DPF3: variants seen among roughly 807,000 people sequenced by gnomAD.
DPF3 encodes double PHD fingers 3.
DPF3 carries 18 observed loss-of-function variants against 56.8 expected under a neutral mutation model. The ratio of observed to expected loss-of-function variants is 0.32; its 90% CI spans 0.22 to 0.47. The LOEUF (loss-of-function observed/expected upper bound fraction) is 0.47, where lower values mean the gene tolerates loss of function less well. Among genes scored for constraint, DPF3 ranks in the 20% least tolerant of loss-of-function variants. The pLI, the probability that DPF3 is intolerant of heterozygous loss-of-function variation, is 1.00. For missense variants in DPF3, 403 were observed against 488.8 expected, an observed-to-expected ratio of 0.82 and a Z score of 1.65; for synonymous variants, 188 against 180.2, an observed-to-expected ratio of 1.04 and a Z score of -0.35.
intron 1 of DPF3, among the ~76,000 whole-genome samples, chr14:72,783,493 G>A (rs1306175425): frequency 1.3e-5 from 2 of 152,176 alleles, no homozygotes; most frequent in African/African-American, 2.4e-5. Flanking sequence ...GAGACCCCCA[G>A]CACAGGGAAT....
At position 72,725,004 on chromosome 14, in the gene DPF3, A is replaced by G. The variant is rs61994459; in HGVS notation, c.430-1276T>C. 5.4e-3 allele frequency among the ~76,000 whole-genome samples: 820 copies of G among 152,210 alleles called. 3 individuals carry two copies. The highest frequency in any genetic ancestry group is 8.8e-3 in the Admixed American group (134 of 15,302). On this transcript the variant is annotated intron_variant, in intron 4 of 10. Transcript: ENST00000556509. ...TACAGGCATACCATGCAGATGAGCTACCACACCTGGCCACCTGGGGGTTTC... is the reference window on the plus strand; with the variant it reads ...TACAGGCATACCATGCAGATGAGCTGCCACACCTGGCCACCTGGGGGTTTC...
intron 1 of DPF3, among the ~76,000 whole-genome samples, chr14:72,859,295 A>G (rs1197419076): frequency 6.6e-6 from 1 of 152,092 alleles, no homozygotes; most frequent in Admixed American, 6.5e-5. Flanking sequence ...AATTTTCCAT[A>G]CTATACAGTA....
intron 1 of DPF3, among the ~76,000 whole-genome samples, chr14:72,780,348 C>A (rs1488643399): frequency 6.6e-6 from 1 of 152,188 alleles, no homozygotes; most frequent in Non-Finnish European, 1.5e-5. Flanking sequence ...TGGTCTTTGC[C>A]ACCTTCCTTA....
intron 3 of DPF3, among the ~76,000 whole-genome samples, chr14:72,751,871 A>G (rs1178175283): frequency 6.6e-6 from 1 of 152,194 alleles, no homozygotes; most frequent in Non-Finnish European, 1.5e-5. Context: ...ACAACCTGCA[A>G]CAAGGCAGGG....
At chr14:72,780,211 G>T (rs1891915961) in intron 1 of DPF3, among the ~76,000 whole-genome samples, 1 of 152,168 alleles carries the variant, frequency 6.6e-6, no homozygotes, top group Non-Finnish European at 1.5e-5. Context: ...TGTCCTGGCT[G>T]ATCTTAGCCT....
At chr14:72,701,036 A>G (rs1209209263) in intron 6 of DPF3, among the ~76,000 whole-genome samples, 5 of 152,234 alleles carry the variant, frequency 3.3e-5, no homozygotes, top group Admixed American at 2.6e-4. Flanking sequence ...TACTGGAACC[A>G]TCTGCTCTCC....
At chr14:72,772,911 G>A (rs1279981073) in intron 1 of DPF3, among the ~76,000 whole-genome samples, 1 of 152,174 alleles carries the variant, frequency 6.6e-6, no homozygotes, top group Non-Finnish European at 1.5e-5. Flanking sequence ...AAGGAGTGGA[G>A]TGTGGGAAGA....
rs56087517 is a variant in DPF3, at chr14:72,683,326, C to CAA, written c.743-8960_743-8959dup. 9.0e-3 allele frequency among the ~76,000 whole-genome samples: 716 copies of CAA among 79,480 alleles called. 8 individuals carry two copies. The highest frequency in any genetic ancestry group is 0.012 in the Non-Finnish European group (497 of 40,162). 52.1% of individuals were successfully genotyped at this position (79,480 alleles called of 152,430 possible). A position where few individuals can be genotyped will look rare whatever the true frequency, so the allele number is the denominator to read the frequency against. On this transcript the variant is annotated intron_variant, in intron 7 of 10. Coordinates refer to ENST00000556509, the MANE Select transcript of DPF3 (RefSeq NM_001280542.3). ...TGGGTGACAGAACAAGACCCCATCT[C>CAA]AAAAAAAAAAAAAAAAAAAGCAAAT... is the stretch of plus-strand genomic sequence containing the variant.
At chr14:72,838,410 C>T (rs1007540242) in intron 1 of DPF3, among the ~76,000 whole-genome samples, 1 of 152,196 alleles carries the variant, frequency 6.6e-6, no homozygotes, top group African/African-American at 2.4e-5. Context: ...AGGAGAATCA[C>T]TTAAACCCAG....
At chr14:72,622,613 T>G (rs1420532408) in intron 9 of DPF3, among the ~76,000 whole-genome samples, 1 of 152,074 alleles carries the variant, frequency 6.6e-6, no homozygotes, top group Non-Finnish European at 1.5e-5. Flanking sequence ...AGAGTTTAAG[T>G]GCATTTTGCA....
intron 9 of DPF3, among the ~76,000 whole-genome samples, chr14:72,622,091 CTT>C (rs1884485938): frequency 6.6e-6 from 1 of 152,200 alleles, no homozygotes; most frequent in South Asian, 2.1e-4. Flanking sequence ...TTGACCTTGT[CTT>C]CATGGAGAAG....
intron 1 of DPF3, among the ~76,000 whole-genome samples, chr14:72,853,931 C>T (rs1432632470): frequency 1.3e-5 from 2 of 152,206 alleles, no homozygotes; most frequent in African/African-American, 2.4e-5. Context: ...GACATACAAA[C>T]CTCCAAGATC....
intron 8 of DPF3, among the ~76,000 whole-genome samples, chr14:72,654,718 G>T (rs1441012178): frequency 6.6e-6 from 1 of 152,112 alleles, no homozygotes; most frequent in African/African-American, 2.4e-5. Flanking sequence ...AGTAACTAAT[G>T]CATAGAAAGT....
intron 1 of DPF3, among the ~76,000 whole-genome samples, chr14:72,866,804 G>A (rs370527629): frequency 1.0e-4 from 15 of 150,468 alleles, no homozygotes; most frequent in African/African-American, 1.9e-4. Flanking sequence ...TGCAGTGAGC[G>A]AAGTTTGCAC....
intron 1 of DPF3, among the ~76,000 whole-genome samples, chr14:72,872,759 A>G (rs1465928935): frequency 1.3e-5 from 2 of 152,360 alleles, no homozygotes; most frequent in Admixed American, 1.3e-4. Context: ...GGCCTCAGAA[A>G]TAATGCCGCA....
chr14:72,841,010 T>C (rs1884523154), intron 1 of DPF3, among the ~76,000 whole-genome samples: 1 of 152,190 alleles, frequency 6.6e-6, no homozygotes, highest in Non-Finnish European at 1.5e-5. Flanking sequence ...TCAAGTCAAT[T>C]CTGCAGGTCT....
intron 8 of DPF3, 69 bp from the exon 9 acceptor site, chr14:72,629,805 G>T: frequency 8.0e-7 from 1 of 1,249,334 alleles, no homozygotes; most frequent in South Asian, 1.3e-5. Flanking sequence ...ACCACTCACT[G>T]GAAACACATT....
intron 1 of DPF3, among the ~76,000 whole-genome samples, chr14:72,809,479 T>C (rs376195333): frequency 1.4e-4 from 21 of 152,190 alleles, no homozygotes; most frequent in African/African-American, 4.3e-4. Context: ...TCCCAACTTA[T>C]GTGCAGGCAT....
At chr14:72,868,046 GAAT>G (rs1885747764) in intron 1 of DPF3, among the ~76,000 whole-genome samples, 1 of 152,086 alleles carries the variant, frequency 6.6e-6, no homozygotes, top group Non-Finnish European at 1.5e-5. Flanking sequence ...GAAGAAGTGA[GAAT>G]AACAGCAATA....
Sources: gnomAD v4.1 joint callset for allele counts (sites outside exome capture counted in the v4.1 genomes callset) on GRCh38, gnomAD v4.1.1 for gene constraint, MANE v1.5 for transcripts, NCBI Gene and HGNC (gene_info 2026-07-23, HGNC 2026-07-21) for gene names.